TMEM117: variants seen among roughly 807,000 people sequenced by gnomAD.
TMEM117 encodes transmembrane protein 117.
TMEM117 carries 27 observed loss-of-function variants against 52.4 expected under a neutral mutation model. That is an observed-to-expected ratio of 0.51 (90% CI 0.38 to 0.71). The LOEUF is 0.71. TMEM117 is among the 30% of genes least tolerant of loss of function. TMEM117 has a pLI of 0.00. For missense variants in TMEM117, 556 were observed against 630.5 expected, an observed-to-expected ratio of 0.88 and a Z score of 1.26; for synonymous variants, 215 against 206.3, an observed-to-expected ratio of 1.04 and a Z score of -0.36.
chr12:43,978,476 AGTGAGGGAATTATGTG>A lies in TMEM117; in HGVS notation c.410+34137_410+34152del, dbSNP rs367767679. On this transcript the variant is annotated intron_variant, in intron 3 of 7. Coordinates refer to ENST00000266534, the MANE Select transcript of TMEM117 (RefSeq NM_032256.3). ...TCTGAATGTTAGTAAGTCCAGAACG[AGTGAGGGAATTATGTG>A]GTCTCCACCAAACAGCCACTTTTCC... Among the ~76,000 whole-genome samples the A allele has an allele frequency of 1.4e-3, 208 of 152,282 alleles. 3 individuals carry two copies. The East Asian group carries it at 0.024, about 17-fold the overall frequency.
At chr12:43,882,087 A>G (rs541172457) in intron 2 of TMEM117, among the ~76,000 whole-genome samples, 17 of 152,108 alleles carry the variant, frequency 1.1e-4, no homozygotes, top group African/African-American at 3.6e-4. Flanking sequence ...AAACAAACAA[A>G]CTAAAAAACA....
intron 5 of TMEM117, among the ~76,000 whole-genome samples, chr12:44,290,183 T>G (rs1215621011): frequency 6.6e-6 from 1 of 152,186 alleles, no homozygotes; most frequent in African/African-American, 2.4e-5. Flanking sequence ...TTGCAGTACA[T>G]AAGTGTGATT....
intron 2 of TMEM117, among the ~76,000 whole-genome samples, chr12:43,855,479 A>G (rs1943384965): frequency 6.6e-6 from 1 of 152,236 alleles, no homozygotes; most frequent in African/African-American, 2.4e-5. Flanking sequence ...TTAAAAAAAT[A>G]GAATAATTTG....
intron 7 of TMEM117, among the ~76,000 whole-genome samples, chr12:44,387,355 GAA>G (rs1952103221): frequency 6.6e-6 from 1 of 151,534 alleles, no homozygotes; most frequent in Non-Finnish European, 1.5e-5. Context: ...ATTAAAAAAA[GAA>G]ATAATAGTTG....
chr12:44,232,869 T>C (rs1949950519), intron 5 of TMEM117, among the ~76,000 whole-genome samples: 1 of 151,362 alleles, frequency 6.6e-6, no homozygotes, highest in South Asian at 2.1e-4. Flanking sequence ...TTTGAAATAT[T>C]ACTAGCACTT....
chr12:43,797,525 G>A, the TMEM117 span: 5 of 1,387,306 alleles, frequency 3.6e-6, no homozygotes, highest in East Asian at 7.4e-5. Context: ...ATAATAAAAA[G>A]ACCAAGAGAT....
chr12:44,002,756 C>A (rs1946135714), intron 3 of TMEM117, among the ~76,000 whole-genome samples: 1 of 152,138 alleles, frequency 6.6e-6, no homozygotes, highest in African/African-American at 2.4e-5. Context: ...CCTTCTCTAC[C>A]AGTGTCCCTT....
chr12:44,043,472 C>G (rs1946832777), intron 3 of TMEM117, among the ~76,000 whole-genome samples: 1 of 152,156 alleles, frequency 6.6e-6, no homozygotes, highest in African/African-American at 2.4e-5. Flanking sequence ...TTTGTAAACG[C>G]TGATGAAACT....
chr12:44,044,720 A>G (rs2137907185), intron 3 of TMEM117, among the ~76,000 whole-genome samples: 1 of 152,082 alleles, frequency 6.6e-6, no homozygotes, highest in South Asian at 2.1e-4. Context: ...GCACCAACTG[A>G]AAGTGGACAG....
At chr12:44,202,508 C>A (rs576334982) in intron 4 of TMEM117, among the ~76,000 whole-genome samples, 1 of 152,086 alleles carries the variant, frequency 6.6e-6, no homozygotes, top group Non-Finnish European at 1.5e-5. Context: ...TTGATTGTGG[C>A]GGATTAGCTT....
intron 4 of TMEM117, among the ~76,000 whole-genome samples, chr12:44,151,990 CATT>C (rs201405059): frequency 0.076 from 8,549 of 112,804 alleles, 985 homozygotes; most frequent in African/African-American, 0.26. Flanking sequence ...TATATATAAA[CATT>C]ATTATAAATA....
intron 2 of TMEM117, among the ~76,000 whole-genome samples, chr12:43,924,615 A>T (rs1285605370): frequency 2.6e-5 from 4 of 152,202 alleles, no homozygotes; most frequent in Non-Finnish European, 5.9e-5. Flanking sequence ...TATTTACCCT[A>T]TGAATATTGT....
At chr12:44,023,819 G>T (rs867702006) in intron 3 of TMEM117, among the ~76,000 whole-genome samples, 2 of 130,960 alleles carry the variant, frequency 1.5e-5, no homozygotes, top group East Asian at 2.6e-4. Context: ...GTTGTGGGGT[G>T]GGGGGAGGGG....
At chr12:43,930,098 G>T (rs752652689) in intron 2 of TMEM117, among the ~76,000 whole-genome samples, 35 of 152,160 alleles carry the variant, frequency 2.3e-4, no homozygotes, top group Non-Finnish European at 4.0e-4. Flanking sequence ...TTTCTGATTT[G>T]TCCTTACTCC....
chr12:43,970,265 T>C (rs1322350420), intron 3 of TMEM117, among the ~76,000 whole-genome samples: 1 of 149,770 alleles, frequency 6.7e-6, no homozygotes, highest in Admixed American at 6.7e-5. Flanking sequence ...TTGTTATAAT[T>C]GCTCTCCTTT....
intron 4 of TMEM117, among the ~76,000 whole-genome samples, chr12:44,154,424 T>C (rs1248851417): frequency 6.6e-6 from 1 of 151,858 alleles, no homozygotes; most frequent in Non-Finnish European, 1.5e-5. Context: ...TGAGTGAGAG[T>C]GAGATGAAAC....
At chr12:44,236,183 T>TAG (rs1463206260) in intron 5 of TMEM117, among the ~76,000 whole-genome samples, 13 of 148,984 alleles carry the variant, frequency 8.7e-5, no homozygotes, top group African/African-American at 2.5e-4. Flanking sequence ...TATATATATA[T>TAG]ATATAGAGAG....
At chr12:43,863,331 G>A (rs558877306) in intron 2 of TMEM117, among the ~76,000 whole-genome samples, 1 of 152,310 alleles carries the variant, frequency 6.6e-6, no homozygotes, top group South Asian at 2.1e-4. Context: ...GAAGGAGGAG[G>A]TAGCTAGGAG....
At chr12:44,311,789 A>G (rs57947233) in intron 6 of TMEM117, among the ~76,000 whole-genome samples, 3,351 of 31,318 alleles carry the variant, frequency 0.11, 293 homozygotes, top group African/African-American at 0.19. Flanking sequence ...GTATATATGT[A>G]TATATATGTA....
Sources: gnomAD v4.1 joint callset for allele counts (sites outside exome capture counted in the v4.1 genomes callset) on GRCh38, gnomAD v4.1.1 for gene constraint, MANE v1.5 for transcripts, NCBI Gene and HGNC (gene_info 2026-07-23, HGNC 2026-07-21) for gene names.